The following NAALADL2 variants were observed in gnomAD, a reference collection of about 807,000 sequenced individuals.
The protein encoded by NAALADL2 is N-acetylated alpha-linked acidic dipeptidase like 2, also known as inactive N-acetylated-alpha-linked acidic dipeptidase-like protein 2.
Under a neutral mutation model 87.2 loss-of-function variants are expected in NAALADL2, and 76 were observed. The observed-to-expected ratio is 0.87, with a 90% CI of 0.72 to 1.05. The LOEUF (loss-of-function observed/expected upper bound fraction) is 1.05. NAALADL2 is among the 50% of genes least tolerant of loss of function. NAALADL2 has a pLI of 0.00. For missense variants in NAALADL2, 1,089 were observed against 945.8 expected, an observed-to-expected ratio of 1.15 and a Z score of -1.99; for synonymous variants, 354 against 331.0, an observed-to-expected ratio of 1.07 and a Z score of -0.75.
At chr3:175,764,646 C>A (rs953267786) in intron 13 of NAALADL2, among the ~76,000 whole-genome samples, 2 of 151,884 alleles carry the variant, frequency 1.3e-5, no homozygotes, top group African/African-American at 4.8e-5. Context: ...ACTAAAAGTA[C>A]TTTTCAAACA....
At chr3:175,551,600 C>G (rs1224915730) in intron 9 of NAALADL2, among the ~76,000 whole-genome samples, 7 of 152,138 alleles carry the variant, frequency 4.6e-5, no homozygotes, top group African/African-American at 1.7e-4. Context: ...TTGTATATGA[C>G]AAAGTTCACA....
chr3:175,708,967 A>T (rs546263898), intron 11 of NAALADL2, among the ~76,000 whole-genome samples: 68 of 145,282 alleles, frequency 4.7e-4, no homozygotes, highest in Non-Finnish European at 8.0e-4. Context: ...ATTTTCTTCA[A>T]GGTAGAAGAT....
At chr3:175,479,750 A>C (rs2149315531) in intron 9 of NAALADL2, among the ~76,000 whole-genome samples, 1 of 151,908 alleles carries the variant, frequency 6.6e-6, no homozygotes, top group African/African-American at 2.4e-5. Context: ...ACCTGACATG[A>C]ATCTCTCCAT....
intron 13 of NAALADL2, among the ~76,000 whole-genome samples, chr3:175,782,911 G>T (rs1156576932): frequency 7.5e-5 from 11 of 147,126 alleles, no homozygotes; most frequent in African/African-American, 2.6e-4. Context: ...TCCAGTTTCA[G>T]CTTTCTACAT....
chr3:174,996,811 C>G (rs1747525930), intron 1 of NAALADL2, among the ~76,000 whole-genome samples: 1 of 151,966 alleles, frequency 6.6e-6, no homozygotes, highest in Non-Finnish European at 1.5e-5. Flanking sequence ...CTCCAAGTCC[C>G]CAAAGTTTAT....
chr3:174,936,318 C>T (rs1343396329), intron 1 of NAALADL2, among the ~76,000 whole-genome samples: 1 of 151,876 alleles, frequency 6.6e-6, no homozygotes, highest in Non-Finnish European at 1.5e-5. Flanking sequence ...TCTACATGTA[C>T]CTTGAAGAAG....
rs558859287 is a variant in NAALADL2, at chr3:175,137,515, A to G, written c.545+40224A>G. 3.9e-5 allele frequency among the ~76,000 whole-genome samples: 6 copies of G among 152,128 alleles called. No homozygotes were observed. The South Asian group carries it at 1.2e-3, about 32-fold the overall frequency. ...TTTTAACCTTAAAATTAATATTTCT[A>G]TAAATAATCTTATACATAAAATATA... On this transcript the variant is annotated intron_variant, in intron 2 of 13. Transcript: ENST00000454872.
rs527817487 is a variant in NAALADL2, at chr3:174,601,002, T to C, written c.-115+50365T>C. ...GACATATTTTGATACAGGCATGCAA[T>C]GCATAATAATCACATCAGGGTAATT... On this transcript the variant is annotated intron_variant, in intron 2 of 3. Transcript: ENST00000434257. 7.1e-4 allele frequency among the ~76,000 whole-genome samples: 108 copies of C among 152,300 alleles called. 1 individual carries two copies. Among genetic ancestry groups the C allele is most frequent in the Non-Finnish European group, 1.2e-3 (84 of 68,012 alleles).
At chr3:175,085,040 G>T (rs1177693153) in intron 1 of NAALADL2, among the ~76,000 whole-genome samples, 1 of 152,266 alleles carries the variant, frequency 6.6e-6, no homozygotes, top group East Asian at 1.9e-4. Context: ...ACAAAATTTT[G>T]TTAGGGCTTG....
At chr3:174,882,760 TATACACAC>T (rs1431863013) in intron 1 of NAALADL2, among the ~76,000 whole-genome samples, 3 of 146,368 alleles carry the variant, frequency 2.0e-5, no homozygotes. Flanking sequence ...CACGTGTATA[TATACACAC>T]GTGTATATAT....
intron 1 of NAALADL2, among the ~76,000 whole-genome samples, chr3:174,894,636 A>G (rs1429799259): frequency 7.7e-6 from 1 of 130,196 alleles, no homozygotes; most frequent in Non-Finnish European, 1.6e-5. Context: ...AAAAAAAAAA[A>G]AAAAAAATCA....
At chr3:175,484,960 T>A (rs1031108249) in intron 9 of NAALADL2, among the ~76,000 whole-genome samples, 1 of 152,150 alleles carries the variant, frequency 6.6e-6, no homozygotes, top group Non-Finnish European at 1.5e-5. Context: ...GCCTTAATAC[T>A]TCCTGGGCTT....
At chr3:175,385,800 A>G (rs1331797977) in intron 5 of NAALADL2, among the ~76,000 whole-genome samples, 1 of 152,100 alleles carries the variant, frequency 6.6e-6, no homozygotes, top group African/African-American at 2.4e-5. Context: ...CCAAAAACAG[A>G]TGAACAGAAG....
At chr3:174,455,949 A>G (rs1196774783) in intron 1 of NAALADL2, among the ~76,000 whole-genome samples, 1 of 152,164 alleles carries the variant, frequency 6.6e-6, no homozygotes, top group African/African-American at 2.4e-5. Context: ...ATTATTCAAT[A>G]TGTAGAAAAC....
At chr3:175,577,896 A>G (rs1162750104) in intron 10 of NAALADL2, among the ~76,000 whole-genome samples, 1 of 152,172 alleles carries the variant, frequency 6.6e-6, no homozygotes, top group Admixed American at 6.5e-5. Context: ...GAGGAATTTT[A>G]AATATTAAAA....
At chr3:175,245,744 T>C (rs111261968) in intron 3 of NAALADL2, among the ~76,000 whole-genome samples, 9 of 152,320 alleles carry the variant, frequency 5.9e-5, no homozygotes, top group African/African-American at 2.2e-4. Flanking sequence ...GCAAAATTGA[T>C]TGTATATCTT....
chr3:175,596,522 C>A (rs904451067), intron 10 of NAALADL2, among the ~76,000 whole-genome samples: 8 of 151,876 alleles, frequency 5.3e-5, no homozygotes, highest in Non-Finnish European at 1.5e-5. Flanking sequence ...AGAATTTAAT[C>A]CTTAAAATTA....
chr3:174,612,645 T>C (rs185492184), intron 2 of NAALADL2, among the ~76,000 whole-genome samples: 1 of 152,278 alleles, frequency 6.6e-6, no homozygotes, highest in East Asian at 1.9e-4. Flanking sequence ...TCTTTTTAAT[T>C]ATTTCATTCT....
chr3:175,054,419 G>T (rs1253371113), intron 1 of NAALADL2, among the ~76,000 whole-genome samples: 1 of 152,200 alleles, frequency 6.6e-6, no homozygotes, highest in Non-Finnish European at 1.5e-5. Context: ...GGCAATCCTG[G>T]CTGTAATGCT....
Sources: gnomAD v4.1 joint callset for allele counts (sites outside exome capture counted in the v4.1 genomes callset) on GRCh38, gnomAD v4.1.1 for gene constraint, MANE v1.5 for transcripts, NCBI Gene and HGNC (gene_info 2026-07-23, HGNC 2026-07-21) for gene names.